The following CLASP2 variants were observed in gnomAD, a reference collection of about 807,000 sequenced individuals.
CLASP2 encodes the protein cytoplasmic linker associated protein 2.
A neutral mutation model predicts 194.4 loss-of-function variants in CLASP2; 47 were observed. The ratio of observed to expected loss-of-function variants is 0.24; its 90% CI spans 0.19 to 0.31. CLASP2 has a LOEUF of 0.31. CLASP2 is among the 10% of genes least tolerant of loss of function. The probability of loss-of-function intolerance (pLI) is 1.00; values close to 1 mark genes in which losing one functional copy is unlikely to be tolerated. For synonymous variants in CLASP2, 619 were observed against 633.5 expected, an observed-to-expected ratio of 0.98 and a Z score of 0.34; for missense variants, 1,445 against 1,823.6, an observed-to-expected ratio of 0.79 and a Z score of 3.78.
At chr3:33,549,098 T>C (rs1165384413) in intron 30 of CLASP2, among the ~76,000 whole-genome samples, 1 of 152,166 alleles carries the variant, frequency 6.6e-6, no homozygotes, top group Non-Finnish European at 1.5e-5. Flanking sequence ...AGCACATTTG[T>C]AATTCCAGTA....
chr3:33,560,770 T>C, intron 28 of CLASP2, 38 bp downstream of exon 28: 1 of 1,570,384 alleles, frequency 6.4e-7, no homozygotes, highest in Non-Finnish European at 8.7e-7. Flanking sequence ...TTCCTAGTTA[T>C]TATCAGGTTA....
At chr3:33,543,762 G>C (rs1053085917) in intron 31 of CLASP2, among the ~76,000 whole-genome samples, 3 of 152,108 alleles carry the variant, frequency 2.0e-5, no homozygotes, top group Non-Finnish European at 4.4e-5. Context: ...CCTGCTTCCT[G>C]CTCTCAAATA....
At chr3:33,693,027 T>C (rs1423525486) in intron 2 of CLASP2, among the ~76,000 whole-genome samples, 1 of 152,126 alleles carries the variant, frequency 6.6e-6, no homozygotes, top group Non-Finnish European at 1.5e-5. Flanking sequence ...ACAAAATTTA[T>C]AAGATATGAG....
chr3:33,543,054 T>C (rs545953048), intron 32 of CLASP2, among the ~76,000 whole-genome samples: 3 of 152,296 alleles, frequency 2.0e-5, no homozygotes. Flanking sequence ...CTGACTTGAA[T>C]TATATTAGTG....
chr3:33,682,462 T>C (rs961501792), intron 6 of CLASP2, among the ~76,000 whole-genome samples: 1 of 152,156 alleles, frequency 6.6e-6, no homozygotes, highest in African/African-American at 2.4e-5. Flanking sequence ...TAAATGAAGG[T>C]TCATTATTTT....
chr3:33,717,209 C>G (rs963986934), intron 1 of CLASP2, among the ~76,000 whole-genome samples: 9 of 152,136 alleles, frequency 5.9e-5, no homozygotes, highest in Non-Finnish European at 1.3e-4. Flanking sequence ...AGTGTTTACA[C>G]AGGTGAACAC....
At chr3:33,628,605 T>C (rs2078477644) in intron 9 of CLASP2, among the ~76,000 whole-genome samples, 1 of 152,162 alleles carries the variant, frequency 6.6e-6, no homozygotes. Context: ...AAGACCATTA[T>C]TCCAATTTCA....
intron 30 of CLASP2, among the ~76,000 whole-genome samples, chr3:33,545,973 G>T (rs2059100419): frequency 6.6e-6 from 1 of 151,834 alleles, no homozygotes; most frequent in Admixed American, 6.6e-5. Context: ...AAGTTGTGTG[G>T]GTATATACTC....
At chr3:33,563,808 G>A (rs7643855) in intron 27 of CLASP2, among the ~76,000 whole-genome samples, 61,852 of 152,052 alleles carry the variant, frequency 0.41, 15,195 homozygotes, top group African/African-American at 0.68. Flanking sequence ...TTCACTGTCT[G>A]TAAGATAATG....
intron 37 of CLASP2, among the ~76,000 whole-genome samples, chr3:33,508,164 G>A (rs753582238): frequency 2.0e-5 from 3 of 151,860 alleles, no homozygotes; most frequent in African/African-American, 7.2e-5. Flanking sequence ...CACCAACCCA[G>A]GTAAGAAAAC....
chr3:33,531,518 G>A (rs185673137), intron 34 of CLASP2, among the ~76,000 whole-genome samples: 53 of 152,290 alleles, frequency 3.5e-4, no homozygotes, highest in African/African-American at 1.2e-3. Flanking sequence ...GCTCATACCT[G>A]TAATCTCGGC....
In CLASP2 at chr3:33,538,816, C is replaced by A; in HGVS notation, c.3531G>T (p.Arg1177Ser). The change falls in exon 33 of 39, where the codon AGG becomes AGT. Residue 1177 changes from arginine (R) to serine (S), a missense_variant. Arg to Ser is a moderately radical substitution (Grantham distance 110). Transcript: ENST00000682230. ...AATCGCCATCATCTTTTTTAGAATC[C>A]CTTTTCAATGGCTCATTCATATCTT... is the stretch of plus-strand genomic sequence containing the variant. ...SQEDMNEPLK[R>S]DSKKDDGDSM... 1 of 1,586,532 alleles carries A rather than the reference C, an allele frequency of 6.3e-7. No homozygotes were observed. Among genetic ancestry groups the A allele is most frequent in the Non-Finnish European group, 8.6e-7 (1 of 1,168,372 alleles).
chr3:33,669,210 T>C (rs1308968080), intron 6 of CLASP2, among the ~76,000 whole-genome samples: 1 of 152,150 alleles, frequency 6.6e-6, no homozygotes, highest in Non-Finnish European at 1.5e-5. Flanking sequence ...GTCAAGTGAG[T>C]ATCCACACGA....
intron 13 of CLASP2, among the ~76,000 whole-genome samples, chr3:33,610,934 T>C (rs547540449): frequency 1.6e-4 from 25 of 152,372 alleles, no homozygotes; most frequent in African/African-American, 5.8e-4. Flanking sequence ...CAGAGTTCTT[T>C]ACAATCTTCT....
intron 21 of CLASP2, among the ~76,000 whole-genome samples, chr3:33,585,424 T>C (rs1183264676): frequency 6.6e-6 from 1 of 152,226 alleles, no homozygotes; most frequent in Non-Finnish European, 1.5e-5. Flanking sequence ...TACAGATCTA[T>C]ATGGTATATA....
At chr3:33,532,406 G>A (rs1050840754) in intron 34 of CLASP2, among the ~76,000 whole-genome samples, 16 of 152,154 alleles carry the variant, frequency 1.1e-4, no homozygotes, top group African/African-American at 3.6e-4. Flanking sequence ...TTGGTATAGA[G>A]TTTCAGTTTT....
At chr3:33,666,570 T>C (rs946606551) in intron 6 of CLASP2, among the ~76,000 whole-genome samples, 6 of 152,218 alleles carry the variant, frequency 3.9e-5, no homozygotes, top group African/African-American at 1.4e-4. Flanking sequence ...TTCCATCGTA[T>C]GGATTTACCA....
chr3:33,541,434 G>C (rs1288064778), intron 32 of CLASP2, among the ~76,000 whole-genome samples: 1 of 152,082 alleles, frequency 6.6e-6, no homozygotes, highest in African/African-American at 2.4e-5. Context: ...TATCACCCAG[G>C]TATTAAGCCT....
rs909099296 is a variant in CLASP2 at position 33,659,017 on chromosome 3, C to T, written c.715+4428G>A. 3.3e-6 allele frequency: 5 copies of T among 1,535,672 alleles called. No individual in the cohort carries two copies. In the African/African-American group the frequency reaches 6.8e-5, roughly 21 times the overall value. On this transcript the variant is annotated intron_variant, in intron 7 of 38. Transcript: ENST00000682230. The stretch of plus-strand genomic sequence containing the variant: ...GATGGTCCAGGGAGCTCTCTGAAAC[C>T]AAGAGGTCAAATAGCACAGCAAATA...
Sources: gnomAD v4.1 joint callset for allele counts (sites outside exome capture counted in the v4.1 genomes callset) on GRCh38, gnomAD v4.1.1 for gene constraint, MANE v1.5 for transcripts, NCBI Gene and HGNC (gene_info 2026-07-23, HGNC 2026-07-21) for gene names.